Variants in TRIM23 observed in about 807,000 individuals in gnomAD.
TRIM23 encodes the protein E3 ubiquitin-protein ligase TRIM23.
Under a neutral mutation model 71.0 loss-of-function variants are expected in TRIM23, and 27 were observed. The ratio of observed to expected loss-of-function variants is 0.38; its 90% CI spans 0.28 to 0.52. The LOEUF (loss-of-function observed/expected upper bound fraction) is 0.52, where lower values mean the gene tolerates loss of function less well. TRIM23 is among the 20% of genes least tolerant of loss of function. The pLI is 0.84. For missense variants in TRIM23, 482 were observed against 692.3 expected (o/e 0.70, Z 3.41); for synonymous variants, 234 against 238.0 (o/e 0.98, Z 0.16).
Position 65,591,081 on chromosome 5 carries a change from G to T in TRIM23, c.*688C>A. ...ACTTCCACAGTTTTATTACTGTTCA[G>T]TTTATTACTAACCTGACAAGCCTAA... On this transcript the variant is annotated 3_prime_UTR_variant, in exon 11 of 11. Coordinates refer to ENST00000231524, the MANE Select transcript of TRIM23 (RefSeq NM_001656.4). 9.9e-7 allele frequency: 1 copy of T among 1,011,132 alleles called. No individual in the cohort carries two copies. The highest frequency in any genetic ancestry group is 1.2e-6 in the Non-Finnish European group (1 of 847,316). The allele number at this position is 1,011,132 out of a possible 1,614,324, so 62.6% of individuals were successfully genotyped here.
At chr5:65,596,603 C>T in intron 8 of TRIM23, 72 bp from the exon 9 acceptor site, 2 of 903,364 alleles carry the variant, frequency 2.2e-6, no homozygotes, top group African/African-American at 3.4e-5. Flanking sequence ...ACACAGACAA[C>T]CCCCAGTTTA....
rs1224085751 is a variant in TRIM23, at chr5:65,590,773, A to G, written c.*996T>C. The stretch of plus-strand genomic sequence containing the variant: ...TAAGTTTTATTGTCAAAATAAATGC[A>G]CTTATTTTGGGAAACAGTTTGAAGT... On this transcript the variant is annotated 3_prime_UTR_variant, in exon 11 of 11. Transcript: ENST00000231524. 1 of 985,158 alleles carries G rather than the reference A, an allele frequency of 1.0e-6. No individual in the cohort carries two copies. The highest frequency in any genetic ancestry group is 1.2e-6 in the Non-Finnish European group (1 of 829,888). 61.0% of individuals were successfully genotyped at this position (985,158 alleles called of 1,614,324 possible).
chr5:65,597,423 G>A (rs1383822595), intron 7 of TRIM23, among the ~76,000 whole-genome samples: 1 of 152,004 alleles, frequency 6.6e-6, no homozygotes, highest in Non-Finnish European at 1.5e-5. Context: ...AATTTTCTCA[G>A]ATTTTCTAAC....
chr5:65,615,955 C>T (rs957133772), intron 2 of TRIM23, among the ~76,000 whole-genome samples: 2 of 152,182 alleles, frequency 1.3e-5, no homozygotes, highest in Non-Finnish European at 2.9e-5. Flanking sequence ...CCTACCGAGC[C>T]TCCAACCATC....
At chr5:65,606,653 T>C (rs956027433) in intron 6 of TRIM23, among the ~76,000 whole-genome samples, 2 of 152,220 alleles carry the variant, frequency 1.3e-5, no homozygotes, top group African/African-American at 4.8e-5. Flanking sequence ...GTTTTTGCTA[T>C]AACATTTCCT....
At chr5:65,599,665 C>G (rs1754309433) in intron 7 of TRIM23, among the ~76,000 whole-genome samples, 1 of 152,116 alleles carries the variant, frequency 6.6e-6, no homozygotes, top group African/African-American at 2.4e-5. Flanking sequence ...AATAACAGCC[C>G]AGGTAATTTA....
chr5:65,624,209 C>T lies in TRIM23; in HGVS notation c.66G>A (p.Gly22=), dbSNP rs777080856. ...GGTCCCTCACCTTCACTACAGCTGT[C>T]CCCCGGCTGCCCTGCCGGCCACTGT... ...GVDSGRQGSR[G]TAVVKVLECG... is the part of the protein sequence containing the mutation. Residue 22 remains glycine, a synonymous_variant, in exon 1 of 11, where the codon GGG becomes GGA. Coordinates refer to ENST00000231524, the MANE Select transcript of TRIM23 (RefSeq NM_001656.4). 2.2e-5 allele frequency: 36 copies of T among 1,614,178 alleles called. 1 individual carries two copies. In the South Asian group the frequency reaches 3.8e-4, roughly 17 times the overall value.
chr5:65,607,983 C>G (rs552414195), intron 6 of TRIM23, among the ~76,000 whole-genome samples: 115 of 152,044 alleles, frequency 7.6e-4, no homozygotes, highest in Non-Finnish European at 1.4e-3. Flanking sequence ...CAAATCACAC[C>G]ATTACTTGAA....
intron 1 of TRIM23, among the ~76,000 whole-genome samples, chr5:65,619,520 G>A (rs1754868456): frequency 6.6e-6 from 1 of 152,102 alleles, no homozygotes; most frequent in African/African-American, 2.4e-5. Context: ...GCAGAAATCA[G>A]ACTAAATCTA....
Position 65,590,805 on chromosome 5 carries a change from T to G in TRIM23, c.*964A>C, listed in dbSNP as rs1397590701. On this transcript the variant is annotated 3_prime_UTR_variant, in exon 11 of 11. Coordinates refer to ENST00000231524, the MANE Select transcript of TRIM23 (RefSeq NM_001656.4). Reference sequence around the variant, plus strand: ...TTGGGAAACAGTTTGAAGTAAGTAATAAGCATTTGCCACTGTACTTACAAC... The same window carrying G: ...TTGGGAAACAGTTTGAAGTAAGTAAGAAGCATTTGCCACTGTACTTACAAC... 2.0e-5 allele frequency: 20 copies of G among 985,490 alleles called. No homozygotes were observed. Among genetic ancestry groups the G allele is most frequent in the South Asian group, 4.7e-5 (1 of 21,290 alleles). The allele number at this position is 985,490 out of a possible 1,614,324, so 61.0% of individuals were successfully genotyped here.
intron 2 of TRIM23, among the ~76,000 whole-genome samples, chr5:65,615,177 C>T (rs548910956): frequency 6.6e-6 from 1 of 152,166 alleles, no homozygotes; most frequent in Non-Finnish European, 1.5e-5. Context: ...GCTGGGATTA[C>T]AGGTGTGAGC....
Position 65,591,661 on chromosome 5 carries a change from A to ATATATATC in TRIM23, c.*107_*108insGATATATA. The ATATATATC allele has an allele frequency of 9.9e-7, 1 of 1,013,478 alleles. No individual in the cohort carries two copies. Among genetic ancestry groups the ATATATATC allele is most frequent in the Non-Finnish European group, 1.3e-6 (1 of 759,752 alleles). The allele number at this position is 1,013,478 out of a possible 1,614,324, so 62.8% of individuals were successfully genotyped here. A position where few individuals can be genotyped will look rare whatever the true frequency, so the allele number is the denominator to read the frequency against. On this transcript the variant is annotated 3_prime_UTR_variant, in exon 11 of 11. Coordinates refer to ENST00000231524, the MANE Select transcript of TRIM23 (RefSeq NM_001656.4). ...AAGATTCCTTTATATATATATATAT[A>ATATATATC]TATATGCATCCTAAATTACCATCTT...
At chr5:65,598,384 C>T (rs572529480) in intron 7 of TRIM23, among the ~76,000 whole-genome samples, 46 of 152,284 alleles carry the variant, frequency 3.0e-4, no homozygotes, top group African/African-American at 1.0e-3. Context: ...CCTGCCCTTC[C>T]CCATATCCAA....
At chr5:65,598,673 G>A (rs1414874633) in intron 7 of TRIM23, among the ~76,000 whole-genome samples, 15 of 151,910 alleles carry the variant, frequency 9.9e-5, no homozygotes, top group Admixed American at 7.9e-4. Context: ...GCTTGAACCC[G>A]GAAGGTGGAG....
chr5:65,601,695 T>C (rs1264639894), intron 7 of TRIM23, among the ~76,000 whole-genome samples: 1 of 151,946 alleles, frequency 6.6e-6, no homozygotes, highest in African/African-American at 2.4e-5. Flanking sequence ...AGCAAACTTC[T>C]GCCTAGGCTT....
At chr5:65,612,663 C>A (rs992340309) in intron 3 of TRIM23, among the ~76,000 whole-genome samples, 2 of 151,852 alleles carry the variant, frequency 1.3e-5, no homozygotes, top group African/African-American at 2.4e-5. Context: ...TACTAAACAT[C>A]CAAAAATTAG....
chr5:65,595,557 CA>C (rs34701696), intron 9 of TRIM23, among the ~76,000 whole-genome samples: 53,695 of 93,536 alleles, frequency 0.57, 12,669 homozygotes, highest in South Asian at 0.62. Context: ...GACTCGATCT[CA>C]AAAAAAAAAA....
chr5:65,601,621 G>A (rs1754366294), intron 7 of TRIM23, among the ~76,000 whole-genome samples: 2 of 152,126 alleles, frequency 1.3e-5, no homozygotes, highest in Non-Finnish European at 2.9e-5. Context: ...AGATTTGGGT[G>A]GGGGCACACC....
At chr5:65,595,294 G>A (rs1444966421) in intron 9 of TRIM23, among the ~76,000 whole-genome samples, 3 of 151,530 alleles carry the variant, frequency 2.0e-5, no homozygotes, top group Admixed American at 6.6e-5. Context: ...GCGGTGGCTC[G>A]TGCCTCTAAT....
Sources: allele counts gnomAD v4.1 joint callset (sites outside exome capture counted in the v4.1 genomes callset), GRCh38; gene constraint gnomAD v4.1.1; transcripts MANE v1.5; gene names NCBI Gene and HGNC (gene_info 2026-07-23, HGNC 2026-07-21).